Variants in DENND11 observed in about 807,000 individuals in gnomAD.
DENND11 encodes DENN domain containing 11, also known as DENN domain-containing protein 11.
A neutral mutation model predicts 49.2 loss-of-function variants in DENND11; 34 were observed. The ratio of observed to expected loss-of-function variants is 0.69; its 90% CI spans 0.53 to 0.92. The LOEUF (loss-of-function observed/expected upper bound fraction) is 0.92, where lower values mean the gene tolerates loss of function less well. Ranked by LOEUF, DENND11 falls within the 40% of genes least tolerant of loss-of-function variation. The pLI, the probability that DENND11 is intolerant of heterozygous loss-of-function variation, is 0.00. For synonymous variants in DENND11, 238 were observed against 230.3 expected, an observed-to-expected ratio of 1.03 and a Z score of -0.30; for missense variants, 475 against 581.6, an observed-to-expected ratio of 0.82 and a Z score of 1.88.
chr7:141,697,985 T>TACAAA, intron 1 of DENND11, among the ~76,000 whole-genome samples: 1 of 152,182 alleles, frequency 6.6e-6, no homozygotes, highest in Non-Finnish European at 1.5e-5. Flanking sequence ...GATCTGCCTC[T>TACAAA]CACCTTACCC....
At position 141,674,179 on chromosome 7, in the gene DENND11, G is replaced by A; in HGVS notation, c.569C>T (p.Ala190Val). 6.4e-7 allele frequency: 1 copy of A among 1,554,860 alleles called. No individual in the cohort carries two copies. The highest frequency in any genetic ancestry group is 8.7e-7 in the Non-Finnish European group (1 of 1,149,276). Residue 190 changes from alanine (A) to valine (V), a missense_variant, in exon 4 of 9, where the codon GCC (alanine) becomes GTC (valine). Physicochemically the swap from Ala to Val is moderately conservative, Grantham distance 64. Coordinates refer to ENST00000536163, the MANE Select transcript of DENND11 (RefSeq NM_001080392.2). ...EMPGHYSHLA[A>V]FYEDKKGVLH... ...CACCCCCTTTTTGTCCTCATAGAAG[G>A]CAGCCAGATGAGAGTAATGTCCTGG...
At chr7:141,694,913 C>T (rs534813523) in intron 1 of DENND11, among the ~76,000 whole-genome samples, 1 of 152,318 alleles carries the variant, frequency 6.6e-6, no homozygotes, top group Non-Finnish European at 1.5e-5. Context: ...CCTCTGATTT[C>T]AGACAGCCCC....
chr7:141,681,642 T>C (rs1798147890), intron 3 of DENND11, among the ~76,000 whole-genome samples: 1 of 152,178 alleles, frequency 6.6e-6, no homozygotes, highest in African/African-American at 2.4e-5. Context: ...ATATTTTACC[T>C]GGAACTGACT....
intron 4 of DENND11, among the ~76,000 whole-genome samples, chr7:141,673,190 G>A (rs1312996870): frequency 6.6e-6 from 1 of 151,808 alleles, no homozygotes; most frequent in Non-Finnish European, 1.5e-5. Context: ...AAGACCTAAA[G>A]CAAGTCACTA....
At chr7:141,666,233 G>A in intron 5 of DENND11, 54 bp downstream of exon 5, 1 of 1,515,502 alleles carries the variant, frequency 6.6e-7, no homozygotes, top group Non-Finnish European at 8.9e-7. Flanking sequence ...AAAGACTCAA[G>A]CAGTTTCTGC....
chr7:141,698,144 G>A (rs1036772804), intron 1 of DENND11, among the ~76,000 whole-genome samples: 2 of 152,196 alleles, frequency 1.3e-5, no homozygotes, highest in African/African-American at 4.8e-5. Context: ...TCCAGACATT[G>A]TATGTTCAAA....
Position 141,660,920 on chromosome 7 carries a change from T to C in DENND11, c.*1736A>G, listed in dbSNP as rs1163317687. The C allele has an allele frequency of 6.6e-6, 1 of 152,638 alleles. No homozygotes were observed. 9.5% of individuals were successfully genotyped at this position (152,638 alleles called of 1,614,324 possible). A position where few individuals can be genotyped will look rare whatever the true frequency, so the allele number is the denominator to read the frequency against. On this transcript the variant is annotated 3_prime_UTR_variant, in exon 9 of 9. Coordinates refer to ENST00000536163, the MANE Select transcript of DENND11 (RefSeq NM_001080392.2). Reference sequence around the variant, plus strand: ...GCAGAGGAGAAAAGTCTATTAGCTGTACAGTTTACATTTCAATGCCCAAAC... The same window carrying C: ...GCAGAGGAGAAAAGTCTATTAGCTGCACAGTTTACATTTCAATGCCCAAAC...
intron 1 of DENND11, among the ~76,000 whole-genome samples, chr7:141,694,177 T>C (rs1311679376): frequency 1.3e-5 from 2 of 152,224 alleles, no homozygotes; most frequent in African/African-American, 2.4e-5. Context: ...ACCTAATTGA[T>C]GAATTAACCT....
intron 7 of DENND11, among the ~76,000 whole-genome samples, 174 bp downstream of exon 7, chr7:141,664,730 G>C (rs2117051404): frequency 6.6e-6 from 1 of 152,324 alleles, no homozygotes; most frequent in East Asian, 1.9e-4. Context: ...CATACAGGGA[G>C]CCTGGCCTCT....
At chr7:141,669,079 G>A (rs975205738) in intron 4 of DENND11, among the ~76,000 whole-genome samples, 1 of 151,790 alleles carries the variant, frequency 6.6e-6, no homozygotes, top group African/African-American at 2.4e-5. Context: ...CCCCTCCCCT[G>A]TATCCCTCTC....
intron 3 of DENND11, among the ~76,000 whole-genome samples, chr7:141,685,027 A>AT (rs1441870552): frequency 2.7e-4 from 26 of 98,020 alleles, no homozygotes; most frequent in African/African-American, 6.9e-4. Context: ...AAAAAAAAAA[A>AT]AAATATATAT....
rs1183911796 is a variant in DENND11, at chr7:141,668,501, G to A, written c.682-2076C>T. On this transcript the variant is annotated intron_variant, in intron 4 of 8. Coordinates refer to ENST00000536163, the MANE Select transcript of DENND11 (RefSeq NM_001080392.2). ...CTTGGGAGGCTGAGGCAGAAGAATT[G>A]CTTGAATCTGGGAGGCAGAGGTTGC... 6.6e-5 allele frequency among the ~76,000 whole-genome samples: 10 copies of A among 152,178 alleles called. 1 individual carries two copies. Among genetic ancestry groups the A allele is most frequent in the Admixed American group, 3.3e-4 (5 of 15,280 alleles).
At chr7:141,694,344 T>TCTAA (rs887957281) in intron 1 of DENND11, among the ~76,000 whole-genome samples, 3 of 152,088 alleles carry the variant, frequency 2.0e-5, no homozygotes, top group African/African-American at 7.2e-5. Flanking sequence ...CACTATAACC[T>TCTAA]CTAACTCCAG....
intron 1 of DENND11, among the ~76,000 whole-genome samples, chr7:141,693,055 A>G (rs1024829535): frequency 6.6e-6 from 1 of 152,212 alleles, no homozygotes; most frequent in Admixed American, 6.5e-5. Flanking sequence ...GAGAGACACT[A>G]TTAAGGGAAC....
At position 141,674,232 on chromosome 7, in the gene DENND11, C is replaced by T. The variant is rs78776226; in HGVS notation, c.528-12G>A. 2 of 291,176 alleles carry T rather than the reference C, an allele frequency of 6.9e-6. No individual in the cohort carries two copies. The highest frequency in any genetic ancestry group is 5.2e-5 in the Admixed American group (1 of 19,280). The allele number at this position is 291,176 out of a possible 1,614,324, so 18.0% of individuals were successfully genotyped here. A position where few individuals can be genotyped will look rare whatever the true frequency, so the allele number is the denominator to read the frequency against. ...TCTCCAACTGGTGCCTGCAGAAAAA[C>T]ACACACACACACACACACACACACA... On this transcript the variant is annotated splice_polypyrimidine_tract_variant and intron_variant, in intron 3 of 8. Coordinates refer to ENST00000536163, the MANE Select transcript of DENND11 (RefSeq NM_001080392.2).
intron 1 of DENND11, 100 bp downstream of exon 1, chr7:141,701,786 G>A (rs1798524268): frequency 2.0e-6 from 2 of 984,182 alleles, no homozygotes; most frequent in Non-Finnish European, 2.5e-6. Flanking sequence ...GTGCGGGGCC[G>A]GGAGGGCAGG....
chr7:141,697,791 A>G (rs1265971059), intron 1 of DENND11, among the ~76,000 whole-genome samples: 1 of 152,214 alleles, frequency 6.6e-6, no homozygotes, highest in African/African-American at 2.4e-5. Context: ...CAGGGAATCT[A>G]CAGAGATTAA....
At position 141,685,650 on chromosome 7, in the gene DENND11, A is replaced by G; in HGVS notation, c.369-14T>C. On this transcript the variant is annotated splice_polypyrimidine_tract_variant and intron_variant, in intron 2 of 8. Coordinates refer to ENST00000536163, the MANE Select transcript of DENND11 (RefSeq NM_001080392.2). The stretch of plus-strand genomic sequence containing the variant: ...TTTCGGAAATAGCTAGAAGAGACCA[A>G]ATACGTAGTGTGGCTCAAGATCAGA... 1.2e-6 allele frequency: 2 copies of G among 1,613,528 alleles called. No individual in the cohort carries two copies. The highest frequency in any genetic ancestry group is 1.7e-6 in the Non-Finnish European group (2 of 1,179,710).
At chr7:141,663,922 C>A in intron 8 of DENND11, 1 of 446,272 alleles carries the variant, frequency 2.2e-6, no homozygotes, top group East Asian at 3.1e-5. Flanking sequence ...ATGTAAAAGC[C>A]CAACAAGGAA....
Sources: gnomAD v4.1 joint callset for allele counts (sites outside exome capture counted in the v4.1 genomes callset) on GRCh38, gnomAD v4.1.1 for gene constraint, MANE v1.5 for transcripts, NCBI Gene and HGNC (gene_info 2026-07-23, HGNC 2026-07-21) for gene names.